ZNF385D: variants seen among roughly 807,000 people sequenced by gnomAD.
ZNF385D encodes zinc finger protein 385D.
In ZNF385D, 15 loss-of-function variants were observed where a neutral mutation model predicts 35.8. The observed-to-expected ratio is 0.42, with a 90% CI of 0.28 to 0.64. ZNF385D has a LOEUF of 0.64. Among genes scored for constraint, ZNF385D ranks in the 30% least tolerant of loss-of-function variants. The pLI is 0.23. For missense variants in ZNF385D, 474 were observed against 494.6 expected, an observed-to-expected ratio of 0.96 and a Z score of 0.39; for synonymous variants, 212 against 186.8, an observed-to-expected ratio of 1.13 and a Z score of -1.10.
chr3:21,773,020 T>TA (rs1309289430), intron 3 of ZNF385D, among the ~76,000 whole-genome samples: 2 of 151,764 alleles, frequency 1.3e-5, no homozygotes, highest in African/African-American at 4.8e-5. Context: ...ATAGAGACAG[T>TA]AAGTAGAATG....
Position 21,414,185 on chromosome 3 carries a change from TTACAA to T in ZNF385D, c.*7024_*7028del. ...TTATTTAATAAAAATTGCTGTGGAT[TTACAA>T]AACAAAACAAAACAAAACAAAACAA... On this transcript the variant is annotated 3_prime_UTR_variant, in exon 8 of 8. Transcript: ENST00000281523. 1 of 141,624 alleles carries T rather than the reference TTACAA, an allele frequency of 7.1e-6. No homozygotes were observed. The highest frequency in any genetic ancestry group is 2.2e-4 in the South Asian group (1 of 4,446). The allele number at this position is 141,624 out of a possible 1,614,324, so 8.8% of individuals were successfully genotyped here.
intron 2 of ZNF385D, among the ~76,000 whole-genome samples, chr3:22,278,126 G>C (rs1488469341): frequency 2.0e-5 from 3 of 152,012 alleles, no homozygotes; most frequent in Non-Finnish European, 4.4e-5. Context: ...AACAGAACAT[G>C]TTTTATTCAT....
At chr3:22,094,663 G>C (rs1327839112) in intron 3 of ZNF385D, among the ~76,000 whole-genome samples, 2 of 151,904 alleles carry the variant, frequency 1.3e-5, no homozygotes, top group Non-Finnish European at 2.9e-5. Flanking sequence ...TGCCCAGAGA[G>C]GAGCCCTGGG....
chr3:21,510,934 A>G lies in ZNF385D; in HGVS notation c.366T>C (p.Thr122=). 1.2e-6 allele frequency: 2 copies of G among 1,614,172 alleles called. No individual in the cohort carries two copies. Among genetic ancestry groups the G allele is most frequent in the South Asian group, 2.2e-5 (2 of 91,086 alleles). The stretch of plus-strand genomic sequence containing the variant: ...AGGTAGTCTTTGCGCTGTCCTTGGC[A>G]GTTACAGATTTCTGCTTATTTTTCA... ...EAMKNKQKSV[T]AKDSAKTTFT... is the part of the protein sequence containing the mutation. The change falls in exon 4 of 8, where the codon ACT becomes ACC. Residue 122 remains threonine (T), a synonymous_variant. Coordinates refer to ENST00000281523, the MANE Select transcript of ZNF385D (RefSeq NM_024697.3).
intron 3 of ZNF385D, among the ~76,000 whole-genome samples, chr3:22,156,579 G>T (rs1168340936): frequency 6.6e-6 from 1 of 152,074 alleles, no homozygotes; most frequent in African/African-American, 2.4e-5. Context: ...AGTCTCTTGG[G>T]CTGGCAATTA....
chr3:21,751,193 G>C lies in ZNF385D; in HGVS notation c.-277C>G. 3 of 1,368,258 alleles carry C rather than the reference G, an allele frequency of 2.2e-6. No individual in the cohort carries two copies. The highest frequency in any genetic ancestry group is 2.8e-6 in the Non-Finnish European group (3 of 1,058,308). 84.8% of individuals were successfully genotyped at this position (1,368,258 alleles called of 1,614,324 possible). A position where few individuals can be genotyped will look rare whatever the true frequency, so the allele number is the denominator to read the frequency against. On this transcript the variant is annotated 5_prime_UTR_variant, in exon 1 of 8. Coordinates refer to ENST00000281523, the MANE Select transcript of ZNF385D (RefSeq NM_024697.3). ...CTCCTCCTTGCGATGTCCTTGCCGC[G>C]CCTGTGACATCAGGACTGAGAGTAC...
intron 3 of ZNF385D, among the ~76,000 whole-genome samples, chr3:21,776,023 A>G (rs1422051186): frequency 6.6e-6 from 1 of 151,784 alleles, no homozygotes; most frequent in Non-Finnish European, 1.5e-5. Flanking sequence ...TACATATTAA[A>G]ATTTTATAGT....
At chr3:21,595,239 G>T (rs2064095227) in intron 2 of ZNF385D, among the ~76,000 whole-genome samples, 1 of 152,012 alleles carries the variant, frequency 6.6e-6, no homozygotes, top group Non-Finnish European at 1.5e-5. Flanking sequence ...TGCCTATAGT[G>T]GAGTCTTTTC....
intron 2 of ZNF385D, among the ~76,000 whole-genome samples, chr3:22,317,210 G>C (rs1170673145): frequency 7.5e-6 from 1 of 133,554 alleles, no homozygotes; most frequent in Non-Finnish European, 1.5e-5. Flanking sequence ...CTGGGAGGCA[G>C]AGGTTGCAGT....
chr3:22,165,642 G>C (rs76854441), intron 3 of ZNF385D, among the ~76,000 whole-genome samples: 3,093 of 152,252 alleles, frequency 0.02, 41 homozygotes, highest in South Asian at 0.042. Flanking sequence ...CAGGAATATA[G>C]CATTTCTCCT....
chr3:22,101,206 AG>A (rs1312649660), intron 3 of ZNF385D, among the ~76,000 whole-genome samples: 3 of 152,120 alleles, frequency 2.0e-5, no homozygotes, highest in Admixed American at 2.0e-4. Flanking sequence ...AGAGATAAAA[AG>A]CACCAAAATT....
chr3:21,937,622 A>C (rs985773237), intron 3 of ZNF385D, among the ~76,000 whole-genome samples: 1 of 152,126 alleles, frequency 6.6e-6, no homozygotes, highest in African/African-American at 2.4e-5. Flanking sequence ...AGAAATAAAA[A>C]ATTTTAAAAA....
chr3:21,874,127 C>T (rs1276904004), intron 3 of ZNF385D, among the ~76,000 whole-genome samples: 1 of 151,904 alleles, frequency 6.6e-6, no homozygotes, highest in Admixed American at 6.6e-5. Flanking sequence ...ACAAGGGTTC[C>T]ATTTTTTCCA....
chr3:21,687,347 C>T (rs567427502), intron 1 of ZNF385D, among the ~76,000 whole-genome samples: 3 of 152,186 alleles, frequency 2.0e-5, no homozygotes, highest in South Asian at 4.2e-4. Context: ...TTTTGGAGTT[C>T]GTTTGTTAAG....
upstream of ZNF385D, among the ~76,000 whole-genome samples, chr3:21,753,789 TTGTGTG>T (rs145331908): frequency 1.6e-5 from 2 of 124,620 alleles, no homozygotes; most frequent in South Asian, 2.4e-4. Flanking sequence ...GTTGTTGTTG[TTGTGTG>T]TGTGTGTGTG....
chr3:22,115,737 C>T (rs145114786), intron 3 of ZNF385D, among the ~76,000 whole-genome samples: 58 of 152,090 alleles, frequency 3.8e-4, no homozygotes, highest in African/African-American at 1.2e-3. Context: ...TTTCCTAATG[C>T]AAAGAAAAAT....
chr3:22,038,130 G>T (rs76665208), intron 3 of ZNF385D, among the ~76,000 whole-genome samples: 1 of 152,108 alleles, frequency 6.6e-6, no homozygotes, highest in African/African-American at 2.4e-5. Context: ...ACTCCATCTG[G>T]GTTTATTTGG....
intron 1 of ZNF385D, among the ~76,000 whole-genome samples, chr3:21,723,341 T>G (rs1575534232): frequency 6.6e-6 from 1 of 152,072 alleles, no homozygotes; most frequent in Non-Finnish European, 1.5e-5. Flanking sequence ...AGGTGGGTAA[T>G]AACAAACTCC....
At chr3:22,228,632 G>A (rs1698703851) in intron 2 of ZNF385D, among the ~76,000 whole-genome samples, 1 of 152,184 alleles carries the variant, frequency 6.6e-6, no homozygotes, top group Non-Finnish European at 1.5e-5. Context: ...CAACTCGATT[G>A]GTTTGAAGGT....
Sources: gnomAD v4.1 joint callset for allele counts (sites outside exome capture counted in the v4.1 genomes callset) on GRCh38, gnomAD v4.1.1 for gene constraint, MANE v1.5 for transcripts, NCBI Gene and HGNC (gene_info 2026-07-23, HGNC 2026-07-21) for gene names.